Variants in CSMD1 observed in about 807,000 individuals in gnomAD.
CSMD1 encodes CUB and Sushi multiple domains 1.
A neutral mutation model predicts 417.5 loss-of-function variants in CSMD1; 213 were observed. That is an observed-to-expected ratio of 0.51 (90% confidence interval 0.46 to 0.57). CSMD1 has a LOEUF of 0.57. CSMD1 is among the 20% of genes least tolerant of loss of function. The pLI, the probability that CSMD1 is intolerant of heterozygous loss-of-function variation, is 0.00. For missense variants in CSMD1, 6,923 were observed against 4,529.7 expected, an observed-to-expected ratio of 1.53 and a Z score of -15.17; for synonymous variants, 2,862 against 1,736.8, an observed-to-expected ratio of 1.65 and a Z score of -16.11.
intron 26 of CSMD1, among the ~76,000 whole-genome samples, chr8:3,254,604 A>G (rs956365943): frequency 1.7e-4 from 26 of 151,778 alleles, no homozygotes; most frequent in Non-Finnish European, 3.5e-4. Flanking sequence ...TTCTCTTCTC[A>G]CTTCATTTCA....
chr8:3,307,568 A>AGCTTTACC, intron 25 of CSMD1, 127 bp downstream of exon 25: 1 of 1,126,286 alleles, frequency 8.9e-7, no homozygotes, highest in Non-Finnish European at 1.2e-6. Flanking sequence ...TTTTAGCTAC[A>AGCTTTACC]GCTTTACCTT....
intron 3 of CSMD1, among the ~76,000 whole-genome samples, chr8:4,152,972 T>C (rs1796649779): frequency 6.6e-6 from 1 of 152,224 alleles, no homozygotes; most frequent in Non-Finnish European, 1.5e-5. Context: ...GCCTTCATTT[T>C]TCTGCTATGA....
At chr8:3,666,459 C>T (rs1798698876) in intron 7 of CSMD1, among the ~76,000 whole-genome samples, 1 of 152,114 alleles carries the variant, frequency 6.6e-6, no homozygotes, top group South Asian at 2.1e-4. Context: ...TACTGAATCA[C>T]GATTGATCCT....
intron 11 of CSMD1, among the ~76,000 whole-genome samples, chr8:3,489,546 G>C (rs111563638): frequency 4.6e-5 from 7 of 152,274 alleles, no homozygotes; most frequent in Admixed American, 1.3e-4. Context: ...TACTTGGAAA[G>C]AACTCAACAG....
At chr8:3,971,419 T>C (rs895065370) in intron 5 of CSMD1, among the ~76,000 whole-genome samples, 1 of 151,096 alleles carries the variant, frequency 6.6e-6, no homozygotes, top group Non-Finnish European at 1.5e-5. Flanking sequence ...TTTCAATATA[T>C]TTTTTGGCCC....
intron 11 of CSMD1, 38 bp downstream of exon 11, chr8:3,493,585 C>CA: frequency 6.5e-7 from 1 of 1,537,820 alleles, no homozygotes; most frequent in Middle Eastern, 1.7e-4. Flanking sequence ...CCCCGCACTG[C>CA]ATGCATAAGA....
chr8:3,031,468 A>T (rs1211351550), intron 50 of CSMD1, among the ~76,000 whole-genome samples: 1 of 150,774 alleles, frequency 6.6e-6, no homozygotes, highest in Non-Finnish European at 1.5e-5. Flanking sequence ...GTCTAACAAT[A>T]ATAAAAAAAA....
chr8:3,263,923 A>T (rs73187516), intron 26 of CSMD1, among the ~76,000 whole-genome samples: 9,883 of 152,304 alleles, frequency 0.065, 442 homozygotes, highest in Non-Finnish European at 0.087. Flanking sequence ...CTTTTTACCT[A>T]ATGGTAACGC....
chr8:3,564,548 T>TGTGC (rs1351897386), intron 10 of CSMD1, among the ~76,000 whole-genome samples: 1 of 151,938 alleles, frequency 6.6e-6, no homozygotes, highest in African/African-American at 2.4e-5. Context: ...TGTGTGTGTG[T>TGTGC]GTATAATACA....
chr8:4,642,482 G>T (rs762309686), intron 1 of CSMD1, among the ~76,000 whole-genome samples: 1 of 152,170 alleles, frequency 6.6e-6, no homozygotes, highest in South Asian at 2.1e-4. Flanking sequence ...AGTAGCAGCT[G>T]AGATGATTCA....
In CSMD1 at chr8:3,743,695, C is replaced by A. The variant is rs138237529; in HGVS notation, c.931+10235G>T. Among the ~76,000 whole-genome samples, 15 of 152,188 alleles carry A rather than the reference C, an allele frequency of 9.9e-5. No individual in the cohort carries two copies. The East Asian group carries it at 2.1e-3, about 22-fold the overall frequency. On this transcript the variant is annotated intron_variant, in intron 6 of 69. Coordinates refer to ENST00000635120, the MANE Select transcript of CSMD1 (RefSeq NM_033225.6). The stretch of plus-strand genomic sequence containing the variant: ...CTCCACACTTCTCCGTATTTTTTCC[C>A]ATAAAGACATTCCTAGTGAGCTGCA...
chr8:3,234,591 C>A (rs953071059), intron 26 of CSMD1, among the ~76,000 whole-genome samples: 1 of 152,190 alleles, frequency 6.6e-6, no homozygotes, highest in Admixed American at 6.5e-5. Context: ...TACTTTCCCA[C>A]TTTCCTCCCA....
intron 4 of CSMD1, among the ~76,000 whole-genome samples, chr8:4,023,052 C>T (rs1397689563): frequency 2.0e-5 from 3 of 152,170 alleles, no homozygotes; most frequent in Admixed American, 2.0e-4. Flanking sequence ...GCTTCCATTT[C>T]CTGGCTCTCT....
intron 1 of CSMD1, among the ~76,000 whole-genome samples, chr8:4,682,512 T>G (rs77355583): frequency 0.034 from 5,236 of 152,188 alleles, 255 homozygotes; most frequent in African/African-American, 0.11. Context: ...AAAAAGAATG[T>G]TTTTCATTAG....
intron 2 of CSMD1, among the ~76,000 whole-genome samples, chr8:4,553,346 T>G (rs1797952007): frequency 1.3e-5 from 2 of 152,236 alleles, no homozygotes; most frequent in Admixed American, 6.5e-5. Flanking sequence ...TTTCATTAAT[T>G]ACTCCTGACA....
intron 3 of CSMD1, among the ~76,000 whole-genome samples, chr8:4,362,197 G>A (rs1168625592): frequency 6.6e-6 from 1 of 152,150 alleles, no homozygotes; most frequent in Non-Finnish European, 1.5e-5. Flanking sequence ...CATTACATCT[G>A]TATTTTCCAA....
chr8:3,936,544 A>G (rs756929658), intron 5 of CSMD1, among the ~76,000 whole-genome samples: 12 of 152,188 alleles, frequency 7.9e-5, no homozygotes, highest in Non-Finnish European at 1.5e-4. Context: ...TGCTCCATCA[A>G]TGGAACAACA....
chr8:4,327,387 G>A (rs1471723637), intron 3 of CSMD1, among the ~76,000 whole-genome samples: 3 of 152,166 alleles, frequency 2.0e-5, no homozygotes, highest in Non-Finnish European at 4.4e-5. Flanking sequence ...GGGAGACTCT[G>A]CTAATGTATT....
intron 3 of CSMD1, among the ~76,000 whole-genome samples, chr8:4,070,626 G>C (rs553676161): frequency 6.6e-5 from 10 of 152,124 alleles, no homozygotes; most frequent in African/African-American, 1.7e-4. Flanking sequence ...CAAAGTGCTG[G>C]GATTACAGGC....
Sources: gnomAD v4.1 joint callset for allele counts (sites outside exome capture counted in the v4.1 genomes callset) on GRCh38, gnomAD v4.1.1 for gene constraint, MANE v1.5 for transcripts, NCBI Gene and HGNC (gene_info 2026-07-23, HGNC 2026-07-21) for gene names.